The following KLHL6 variants were observed in gnomAD, a reference collection of about 807,000 sequenced individuals.
KLHL6 encodes kelch like family member 6, also known as kelch-like protein 6.
KLHL6 carries 41 observed loss-of-function variants against 58.6 expected under a neutral mutation model. The observed-to-expected ratio is 0.70, with a 90% CI of 0.55 to 0.91. KLHL6 has a LOEUF of 0.91. Ranked by LOEUF, KLHL6 falls within the 40% of genes least tolerant of loss-of-function variation. The pLI is 0.00. For missense variants in KLHL6, 714 were observed against 805.6 expected, an observed-to-expected ratio of 0.89 and a Z score of 1.38; for synonymous variants, 338 against 322.7, an observed-to-expected ratio of 1.05 and a Z score of -0.51.
chr3:183,537,697 C>T (rs926031860), intron 1 of KLHL6, among the ~76,000 whole-genome samples: 8 of 152,172 alleles, frequency 5.3e-5, no homozygotes, highest in Admixed American at 2.0e-4. Context: ...CCTGGCCACA[C>T]GCCTCTCCAT....
chr3:183,552,717 C>CAAAAAAAA (rs1169148282), intron 1 of KLHL6, among the ~76,000 whole-genome samples: 4 of 47,606 alleles, frequency 8.4e-5, no homozygotes, highest in Non-Finnish European at 1.8e-4. Context: ...GACTCCGTCT[C>CAAAAAAAA]AAAAAAAAAA....
rs958612530 is a variant in KLHL6, at chr3:183,524,957, C to T, written c.459+2888G>A. Among the ~76,000 whole-genome samples the T allele has an allele frequency of 2.6e-5, 4 of 152,232 alleles. No homozygotes were observed. The East Asian group carries it at 7.7e-4, about 29-fold the overall frequency. ...TCATTTCATCATTCTAATCATGTAT[C>T]GTATGAACATGATAAAAAAAACTTT... is the stretch of plus-strand genomic sequence containing the variant. On this transcript the variant is annotated intron_variant, in intron 2 of 6. Transcript: ENST00000341319.
intron 3 of KLHL6, among the ~76,000 whole-genome samples, chr3:183,502,659 A>T (rs748959724): frequency 3.3e-5 from 5 of 152,210 alleles, no homozygotes; most frequent in Non-Finnish European, 5.9e-5. Context: ...CAAGGATCTG[A>T]TGCCTGCCAA....
chr3:183,554,419 C>T (rs1001972745), intron 1 of KLHL6, among the ~76,000 whole-genome samples: 16 of 152,192 alleles, frequency 1.1e-4, no homozygotes, highest in Non-Finnish European at 2.9e-5. Context: ...TCATTGTGCT[C>T]ACCTTACAGA....
rs1197315664 is a variant in KLHL6 at position 183,555,379 on chromosome 3, G to A, written c.275C>T (p.Ala92Val). ...TGCTGACCTGAAATAGTTGCTGGCTGCGGCAAGCACCACGCGGTGGCAGGA... is the reference window on the plus strand; with the variant it reads ...TGCTGACCTGAAATAGTTGCTGGCTACGGCAAGCACCACGCGGTGGCAGGA... ...EFSCHRVVLA[A>V]ASNYFRAMFC... is the part of the protein sequence containing the mutation. The change falls in exon 1 of 7, where the codon GCA (alanine) becomes GTA (valine). Residue 92 changes from alanine to valine, a missense_variant. By Grantham distance (64) the Ala-to-Val change is moderately conservative. Coordinates refer to ENST00000341319, the MANE Select transcript of KLHL6 (RefSeq NM_130446.4). 1 of 1,614,048 alleles carries A rather than the reference G, an allele frequency of 6.2e-7. No individual in the cohort carries two copies.
intron 2 of KLHL6, among the ~76,000 whole-genome samples, chr3:183,514,021 T>C (rs1250639122): frequency 2.7e-4 from 41 of 152,202 alleles, no homozygotes; most frequent in Non-Finnish European, 4.4e-5. Context: ...GCTTCCAGCT[T>C]CATCCATGTC....
intron 2 of KLHL6, chr3:183,521,470 C>T (rs1711757112): frequency 6.6e-6 from 1 of 152,254 alleles, no homozygotes; most frequent in East Asian, 1.9e-4. Context: ...TGAGGACACC[C>T]TCCCCGGAGG....
chr3:183,492,768 G>A lies in KLHL6; in HGVS notation c.1351-61C>T. On this transcript the variant is annotated intron_variant, in intron 5 of 6. Transcript: ENST00000341319. The surrounding 1 kb of genome is among the most constrained non-coding windows in gnomAD (Gnocchi z 5.9). ...TCATGCTGCCCAGATTGCTGCAGTA[G>A]CTCCCAGGATACAGGACAGAGCTCC... 1 of 1,507,286 alleles carries A rather than the reference G, an allele frequency of 6.6e-7. No individual in the cohort carries two copies. The highest frequency in any genetic ancestry group is 9.2e-7 in the Non-Finnish European group (1 of 1,091,030). The allele number at this position is 1,507,286 out of a possible 1,614,324, so 93.4% of individuals were successfully genotyped here. A position where few individuals can be genotyped will look rare whatever the true frequency, so the allele number is the denominator to read the frequency against.
At chr3:183,513,249 A>C (rs1392696139) in intron 2 of KLHL6, among the ~76,000 whole-genome samples, 1 of 152,242 alleles carries the variant, frequency 6.6e-6, no homozygotes, top group East Asian at 1.9e-4. Context: ...AATCCTCACC[A>C]CAATGCCATG....
chr3:183,515,429 T>C (rs1711533582), intron 2 of KLHL6, among the ~76,000 whole-genome samples: 1 of 152,104 alleles, frequency 6.6e-6, no homozygotes, highest in African/African-American at 2.4e-5. Context: ...ATGCCTATAG[T>C]CCCAGCTACT....
At chr3:183,519,204 G>T (rs1401466175) in intron 2 of KLHL6, among the ~76,000 whole-genome samples, 1 of 152,180 alleles carries the variant, frequency 6.6e-6, no homozygotes, top group Non-Finnish European at 1.5e-5. Context: ...CTTGAGAGGG[G>T]CACAGATGTA....
chr3:183,493,321 G>C (rs1008080586), intron 5 of KLHL6: 7 of 155,492 alleles, frequency 4.5e-5, no homozygotes, highest in African/African-American at 1.7e-4. Context: ...GATAGGGCTT[G>C]TTTTGAGAAG....
intron 1 of KLHL6, among the ~76,000 whole-genome samples, chr3:183,538,035 A>G (rs577312579): frequency 6.6e-6 from 1 of 152,082 alleles, no homozygotes; most frequent in African/African-American, 2.4e-5. Flanking sequence ...GTCCCTTTGC[A>G]CTTGCTTTTG....
At position 183,555,430 on chromosome 3, in the gene KLHL6, A is replaced by G. The variant is rs763836161; in HGVS notation, c.224T>C (p.Ile75Thr). 1 of 1,614,102 alleles carries G rather than the reference A, an allele frequency of 6.2e-7. No individual in the cohort carries two copies. Among genetic ancestry groups the G allele is most frequent in the Non-Finnish European group, 8.5e-7 (1 of 1,179,982 alleles). ...GAATTCCTGAATGTCCACACACAAG[A>G]TGACATCTGTCAGAGCGTTTTCCAT... ...LRMENALTDV[I>T]LCVDIQEFSC... The change falls in exon 1 of 7, where the codon ATC becomes ACC. Residue 75 changes from isoleucine (I) to threonine (T), a missense_variant. This residue lies in a region of KLHL6 where 204 missense variants were observed against 175.9 expected (regional missense o/e 1.16). Coordinates refer to ENST00000341319, the MANE Select transcript of KLHL6 (RefSeq NM_130446.4).
rs569550955 is a variant in KLHL6 at position 183,497,361 on chromosome 3, G to A, written c.1147+2229C>T. Among the ~76,000 whole-genome samples, 10 of 152,274 alleles carry A rather than the reference G, an allele frequency of 6.6e-5. No individual in the cohort carries two copies. In the East Asian group the frequency reaches 1.5e-3, roughly 24 times the overall value. On this transcript the variant is annotated intron_variant, in intron 4 of 6. Transcript: ENST00000341319. ...TGGGAGGCAGAGGTTGCAGTGAGCC[G>A]AGATCTCGCCATTGTACTCCAGCCT...
At position 183,499,996 on chromosome 3, in the gene KLHL6, G is replaced by T. The variant is rs988824607; in HGVS notation, c.910-169C>A. 6.6e-6 allele frequency among the ~76,000 whole-genome samples: 1 copy of T among 152,184 alleles called. No homozygotes were observed. Among genetic ancestry groups the T allele is most frequent in the Non-Finnish European group, 1.5e-5 (1 of 68,042 alleles). On this transcript the variant is annotated intron_variant, in intron 3 of 6. Transcript: ENST00000341319. This position sits in a 1 kb window ranked among gnomAD's most constrained non-coding sequence, Gnocchi z 4.6. ...CATCTGTATAATCGGGATAGCAGAG[G>T]TAACTACCTCATAGGTGTGTTGTGA... is the stretch of plus-strand genomic sequence containing the variant.
intron 3 of KLHL6, among the ~76,000 whole-genome samples, chr3:183,507,637 G>A (rs952811551): frequency 2.0e-5 from 3 of 152,080 alleles, no homozygotes; most frequent in Non-Finnish European, 4.4e-5. Flanking sequence ...GTTTCACCAT[G>A]TTGGCCAGGA....
chr3:183,514,159 C>T (rs780922649), intron 2 of KLHL6, among the ~76,000 whole-genome samples: 13 of 152,168 alleles, frequency 8.5e-5, no homozygotes, highest in Non-Finnish European at 1.9e-4. Context: ...TCATTGAAGC[C>T]GACAGACCAG....
rs1717652751 is a variant in KLHL6 at position 183,494,172 on chromosome 3, C to G, written c.1257G>C (p.Leu419Phe). 3 of 1,614,088 alleles carry G rather than the reference C, an allele frequency of 1.9e-6. No individual in the cohort carries two copies. The highest frequency in any genetic ancestry group is 1.7e-5 in the Admixed American group (1 of 60,004). ...CTCCGATCACATAGACCTTGCCACC[C>G]AACACCACCATCTTATGCCTCCAGC... ...IGRWRHKMVV[L>F]GGKVYVIGGF... is the part of the protein sequence containing the mutation. The change falls in exon 5 of 7, where the codon TTG (leucine) becomes TTC (phenylalanine). Residue 419 changes from leucine (L) to phenylalanine (F), a missense_variant. Physicochemically the swap from Leu to Phe is conservative, Grantham distance 22. This residue lies in a region of KLHL6 where 510 missense variants were observed against 629.7 expected (regional missense o/e 0.81). Transcript: ENST00000341319.
Sources: gnomAD v4.1 joint callset for allele counts (sites outside exome capture counted in the v4.1 genomes callset) on GRCh38, gnomAD v4.1.1 for gene constraint, gnomAD v4.1.1 regional missense constraint, Gnocchi (gnomAD v3.1) non-coding constraint, MANE v1.5 for transcripts, NCBI Gene and HGNC (gene_info 2026-07-23, HGNC 2026-07-21) for gene names.